HHIP: variants seen among roughly 807,000 people sequenced by gnomAD.
HHIP encodes hedgehog-interacting protein.
A neutral mutation model predicts 74.0 loss-of-function variants in HHIP; 12 were observed. The ratio of observed to expected loss-of-function variants is 0.16; its 90% CI spans 0.10 to 0.26. The LOEUF is 0.26. HHIP is among the 10% of genes least tolerant of loss of function. The probability of loss-of-function intolerance (pLI) is 1.00; values close to 1 mark genes in which losing one functional copy is unlikely to be tolerated. For synonymous variants in HHIP, 309 were observed against 311.6 expected (o/e 0.99, Z 0.09); for missense variants, 788 against 845.0 (o/e 0.93, Z 0.84).
At chr4:144,702,036 C>T (rs1219316326) in intron 4 of HHIP, among the ~76,000 whole-genome samples, 1 of 152,066 alleles carries the variant, frequency 6.6e-6, no homozygotes, top group East Asian at 1.9e-4. Context: ...GCCTGTAATA[C>T]CCACACTGTC....
In HHIP at chr4:144,694,587, A is replaced by G. The variant is rs181649963; in HGVS notation, c.832-11944A>G. Among the ~76,000 whole-genome samples the G allele has an allele frequency of 6.8e-4, 104 of 151,996 alleles. 1 individual carries two copies. Among genetic ancestry groups the G allele is most frequent in the East Asian group, 1.9e-4 (1 of 5,172 alleles). The stretch of plus-strand genomic sequence containing the variant: ...GTAAAAACCAAACTTCATAAAAGCA[A>G]GAGGTCAAATTCATTAAAAACAATT... On this transcript the variant is annotated intron_variant, in intron 4 of 12. Transcript: ENST00000296575.
At position 144,738,723 on chromosome 4, in the gene HHIP, C is replaced by T; in HGVS notation, c.*766C>T. The T allele has an allele frequency of 1.2e-6, 1 of 832,324 alleles. No homozygotes were observed. Among genetic ancestry groups the T allele is most frequent in the Non-Finnish European group, 1.4e-6 (1 of 690,238 alleles). 51.6% of individuals were successfully genotyped at this position (832,324 alleles called of 1,614,324 possible). On this transcript the variant is annotated 3_prime_UTR_variant, in exon 13 of 13. Transcript: ENST00000296575. Reference sequence around the variant, plus strand: ...TATTTTATTTTTATAATATAGACATCACCTAGATGAAACACCTTTACCCTG... The same window carrying T: ...TATTTTATTTTTATAATATAGACATTACCTAGATGAAACACCTTTACCCTG...
At chr4:144,700,406 C>T (rs919466792) in intron 4 of HHIP, among the ~76,000 whole-genome samples, 3 of 152,156 alleles carry the variant, frequency 2.0e-5, no homozygotes, top group Admixed American at 6.5e-5. Context: ...AATGCCCCTC[C>T]CCAAATGATG....
chr4:144,732,362 C>T (rs1328863330), intron 11 of HHIP, among the ~76,000 whole-genome samples: 1 of 152,090 alleles, frequency 6.6e-6, no homozygotes, highest in Admixed American at 6.5e-5. Flanking sequence ...AGTAAACAAG[C>T]CCAGGTGTGA....
At chr4:144,702,164 GA>G (rs955057914) in intron 4 of HHIP, among the ~76,000 whole-genome samples, 1 of 151,778 alleles carries the variant, frequency 6.6e-6, no homozygotes, top group African/African-American at 2.4e-5. Flanking sequence ...AAAAAGAAAA[GA>G]AAAAAATAAT....
At chr4:144,678,926 C>T (rs1729251601) in intron 4 of HHIP, among the ~76,000 whole-genome samples, 1 of 152,156 alleles carries the variant, frequency 6.6e-6, no homozygotes, top group Non-Finnish European at 1.5e-5. Flanking sequence ...AATGGTATTT[C>T]CGGTTCTAGA....
intron 4 of HHIP, among the ~76,000 whole-genome samples, chr4:144,690,644 T>C (rs920536202): frequency 2.0e-5 from 3 of 152,088 alleles, no homozygotes; most frequent in African/African-American, 7.2e-5. Flanking sequence ...GAAAGAGAGG[T>C]TAAGACCATA....
At chr4:144,708,108 A>C (rs1730195953) in intron 6 of HHIP, 60 bp from the exon 7 acceptor site, 6 of 1,543,550 alleles carry the variant, frequency 3.9e-6, no homozygotes. Flanking sequence ...CACCATATTT[A>C]ATATAGGTGA....
intron 4 of HHIP, among the ~76,000 whole-genome samples, chr4:144,673,838 T>C (rs1048067999): frequency 7.2e-5 from 11 of 152,210 alleles, no homozygotes; most frequent in African/African-American, 2.4e-4. Flanking sequence ...TTGTAGATAT[T>C]TGAGCAAATA....
At chr4:144,735,562 A>C (rs184991844) in intron 12 of HHIP, among the ~76,000 whole-genome samples, 1 of 152,318 alleles carries the variant, frequency 6.6e-6, no homozygotes, top group East Asian at 1.9e-4. Flanking sequence ...AAGTCAGAAA[A>C]TTAGATAAAT....
At chr4:144,717,357 T>G (rs558871457) in intron 10 of HHIP, among the ~76,000 whole-genome samples, 2 of 152,340 alleles carry the variant, frequency 1.3e-5, no homozygotes, top group South Asian at 4.1e-4. Context: ...TTAATTCTTT[T>G]GCTTACATTG....
In HHIP at chr4:144,740,728, G is replaced by A. The variant is rs1214446229; in HGVS notation, c.*2771G>A. 1 of 152,020 alleles carries A rather than the reference G, an allele frequency of 6.6e-6. No homozygotes were observed. Among genetic ancestry groups the A allele is most frequent in the Non-Finnish European group, 1.5e-5 (1 of 67,990 alleles). 9.4% of individuals were successfully genotyped at this position (152,020 alleles called of 1,614,324 possible). Reference sequence around the variant, plus strand: ...AAATTATTGTTTAATCACATGAAAGGCAACATCTGTTCAGTTCATAAAGCA... The same window carrying A: ...AAATTATTGTTTAATCACATGAAAGACAACATCTGTTCAGTTCATAAAGCA... On this transcript the variant is annotated 3_prime_UTR_variant, in exon 13 of 13. Coordinates refer to ENST00000296575, the MANE Select transcript of HHIP (RefSeq NM_022475.3).
At chr4:144,662,134 A>T (rs991995320) in intron 4 of HHIP, among the ~76,000 whole-genome samples, 13 of 152,212 alleles carry the variant, frequency 8.5e-5, no homozygotes, top group East Asian at 1.9e-4. Flanking sequence ...GGCTATTTTT[A>T]AAAAATCTGG....
At chr4:144,689,966 G>A (rs375036052) in intron 4 of HHIP, among the ~76,000 whole-genome samples, 8 of 152,020 alleles carry the variant, frequency 5.3e-5, no homozygotes, top group East Asian at 1.9e-4. Flanking sequence ...GCACCATCAC[G>A]CCCAGCTAAT....
At chr4:144,666,367 C>T (rs186239668) in intron 4 of HHIP, among the ~76,000 whole-genome samples, 1 of 151,744 alleles carries the variant, frequency 6.6e-6, no homozygotes, top group Admixed American at 6.6e-5. Context: ...CTACAGTCTT[C>T]AAGCAAGCCA....
intron 4 of HHIP, among the ~76,000 whole-genome samples, chr4:144,688,879 A>C (rs1030838130): frequency 1.3e-5 from 2 of 152,164 alleles, no homozygotes; most frequent in African/African-American, 4.8e-5. Flanking sequence ...GGGAGCACCA[A>C]AAATGTCATT....
At chr4:144,709,134 T>G (rs1250295147) in intron 7 of HHIP, among the ~76,000 whole-genome samples, 1 of 152,232 alleles carries the variant, frequency 6.6e-6, no homozygotes, top group South Asian at 2.1e-4. Context: ...CCATTTAATG[T>G]TTATTGAGTG....
chr4:144,655,887 G>C (rs1231552236), intron 2 of HHIP, among the ~76,000 whole-genome samples: 1 of 151,914 alleles, frequency 6.6e-6, no homozygotes, highest in African/African-American at 2.4e-5. Flanking sequence ...GTATTTATAG[G>C]GTGCTTTGTG....
chr4:144,742,900 TTTTTATATATATCTTA>T lies in HHIP; in HGVS notation c.*4945_*4960del, dbSNP rs1246061942. ...TTTATATATATCTTATATATATATC[TTTTTATATATATCTTA>T]TATATATATCTTTATATATATCTTA... On this transcript the variant is annotated 3_prime_UTR_variant, in exon 13 of 13. Coordinates refer to ENST00000296575, the MANE Select transcript of HHIP (RefSeq NM_022475.3). The T allele has an allele frequency of 0.05, 96 of 1,922 alleles. 4 individuals carry two copies. In the South Asian group the frequency reaches 0.51, roughly 10 times the overall value. The allele number at this position is 1,922 out of a possible 1,614,324, so 0.1% of individuals were successfully genotyped here. A position where few individuals can be genotyped will look rare whatever the true frequency, so the allele number is the denominator to read the frequency against.
Sources: gnomAD v4.1 joint callset for allele counts (sites outside exome capture counted in the v4.1 genomes callset) on GRCh38, gnomAD v4.1.1 for gene constraint, MANE v1.5 for transcripts, NCBI Gene and HGNC (gene_info 2026-07-23, HGNC 2026-07-21) for gene names.